The following GALNT16 variants were observed in gnomAD, a reference collection of about 807,000 sequenced individuals.
GALNT16 encodes the protein UDP-GalNAc:polypeptide N-acetylgalactosaminyltransferase-like protein 1.
GALNT16 carries 40 observed loss-of-function variants against 76.1 expected under a neutral mutation model. The observed-to-expected ratio is 0.53, with a 90% confidence interval of 0.41 to 0.68. The LOEUF (loss-of-function observed/expected upper bound fraction) is 0.68, where lower values mean the gene tolerates loss of function less well. Ranked by LOEUF, GALNT16 falls within the 30% of genes least tolerant of loss-of-function variation. The pLI is 0.00. For synonymous variants in GALNT16, 276 were observed against 285.2 expected (o/e 0.97, Z 0.32); for missense variants, 621 against 731.9 (o/e 0.85, Z 1.75).
chr14:69,361,275 C>A (rs567922632), downstream of GALNT16, among the ~76,000 whole-genome samples: 5 of 152,324 alleles, frequency 3.3e-5, no homozygotes, highest in African/African-American at 1.2e-4. Context: ...TGACCAAACA[C>A]TGAGACACAC....
chr14:69,327,567 T>C (rs2045301407), intron 5 of GALNT16, among the ~76,000 whole-genome samples: 1 of 152,170 alleles, frequency 6.6e-6, no homozygotes, highest in African/African-American at 2.4e-5. Context: ...GTAGACACTT[T>C]TGGAGTGGAG....
chr14:69,270,473 G>T (rs974349703), intron 1 of GALNT16, among the ~76,000 whole-genome samples: 2 of 152,214 alleles, frequency 1.3e-5, no homozygotes, highest in Non-Finnish European at 2.9e-5. Context: ...CCTGTGAGAT[G>T]CTTCTTGTCA....
Position 69,285,038 on chromosome 14 carries a change from C to CTTTTTTTTTTTTTTTTTTTTTTT in GALNT16, c.177+24572_177+24573insTTTTTTTTTTTTTTTTTTTTTTT, listed in dbSNP as rs1239622713. 3.8e-5 allele frequency among the ~76,000 whole-genome samples: 5 copies of CTTTTTTTTTTTTTTTTTTTTTTT among 130,460 alleles called. 2 individuals carry two copies. Among genetic ancestry groups the CTTTTTTTTTTTTTTTTTTTTTTT allele is most frequent in the African/African-American group, 5.6e-5 (2 of 35,658 alleles). 85.6% of individuals were successfully genotyped at this position (130,460 alleles called of 152,430 possible). On this transcript the variant is annotated intron_variant, in intron 1 of 14. Transcript: ENST00000448469. ...TTTATATGTTACCCAGTCTCGGGCA[C>CTTTTTTTTTTTTTTTTTTTTTTT]TCTTTTTTTTTTTTTTTTTTGAGAC... is the stretch of plus-strand genomic sequence containing the variant.
chr14:69,366,181 T>C, the GALNT16 span, among the ~76,000 whole-genome samples: 4 of 152,180 alleles, frequency 2.6e-5, no homozygotes, highest in African/African-American at 9.7e-5. Context: ...AATGAATGAA[T>C]GACATGAATG....
intron 1 of GALNT16, among the ~76,000 whole-genome samples, chr14:69,278,865 C>A (rs1018469798): frequency 9.9e-5 from 15 of 151,878 alleles, no homozygotes; most frequent in African/African-American, 3.6e-4. Flanking sequence ...AAGACAGGAT[C>A]TGACAGGGCT....
chr14:69,378,564 G>T, the GALNT16 span, among the ~76,000 whole-genome samples: 4 of 152,108 alleles, frequency 2.6e-5, no homozygotes, highest in African/African-American at 9.7e-5. Flanking sequence ...GTGTATTATG[G>T]GACATAGACA....
intron 1 of GALNT16, among the ~76,000 whole-genome samples, chr14:69,304,257 T>A (rs1401495531): frequency 6.6e-6 from 1 of 152,208 alleles, no homozygotes; most frequent in African/African-American, 2.4e-5. Context: ...TGAAACAGAC[T>A]GGTAAAGGCC....
At chr14:69,379,062 T>C in the GALNT16 span, among the ~76,000 whole-genome samples, 6 of 152,106 alleles carry the variant, frequency 3.9e-5, no homozygotes, top group Non-Finnish European at 5.9e-5. Flanking sequence ...CTCAGCCTCC[T>C]AAGTAGCTGG....
At chr14:69,267,586 T>A (rs1030356065) in intron 1 of GALNT16, among the ~76,000 whole-genome samples, 2 of 152,192 alleles carry the variant, frequency 1.3e-5, no homozygotes, top group African/African-American at 2.4e-5. Context: ...TGAATTGGGC[T>A]GTTGCAGGAT....
At chr14:69,321,806 T>C (rs1370601027) in intron 2 of GALNT16, among the ~76,000 whole-genome samples, 1 of 152,256 alleles carries the variant, frequency 6.6e-6, no homozygotes, top group African/African-American at 2.4e-5. Flanking sequence ...TTCTGTGCTC[T>C]GTGCAGACAT....
downstream of GALNT16, chr14:69,356,430 A>T (rs1350780014): frequency 1.3e-5 from 2 of 152,084 alleles, no homozygotes; most frequent in Non-Finnish European, 2.9e-5. Context: ...AACCCAGGGG[A>T]GTTCGAGACC....
In GALNT16 at chr14:69,338,634, GCTA is replaced by G. The variant is rs751652984; in HGVS notation, c.968-13_968-11del. 55 of 1,609,718 alleles carry G rather than the reference GCTA, an allele frequency of 3.4e-5. No homozygotes were observed. In the South Asian group the frequency reaches 4.7e-4, roughly 14 times the overall value. Reference sequence around the variant, plus strand: ...AAGGAACCCCTTCCTCCTCCTGACGGCTACTATTTCCTGCAGAGCTCTCCTTCA... The same window carrying G: ...AAGGAACCCCTTCCTCCTCCTGACGGCTATTTCCTGCAGAGCTCTCCTTCA... On this transcript the variant is annotated splice_polypyrimidine_tract_variant and intron_variant, in intron 9 of 14. Coordinates refer to ENST00000448469, the MANE Select transcript of GALNT16 (RefSeq NM_001168368.2).
intron 1 of GALNT16, among the ~76,000 whole-genome samples, chr14:69,287,695 A>G (rs1395453052): frequency 1.3e-5 from 2 of 152,336 alleles, no homozygotes; most frequent in East Asian, 3.9e-4. Flanking sequence ...GCAAACAGCC[A>G]TCTGCTGGCC....
At chr14:69,299,051 CTG>C (rs1370171568) in intron 1 of GALNT16, among the ~76,000 whole-genome samples, 1 of 152,226 alleles carries the variant, frequency 6.6e-6, no homozygotes, top group Non-Finnish European at 1.5e-5. Context: ...TAAGAAACAT[CTG>C]TGTGCAGTTG....
At chr14:69,360,617 A>T (rs900594539), downstream of GALNT16, among the ~76,000 whole-genome samples, 5 of 151,498 alleles carry the variant, frequency 3.3e-5, no homozygotes, top group Non-Finnish European at 7.4e-5. Context: ...AAAAAAAAGA[A>T]GAAGAAGAAG....
At chr14:69,379,719 C>T in the GALNT16 span, among the ~76,000 whole-genome samples, 11 of 152,104 alleles carry the variant, frequency 7.2e-5, no homozygotes, top group African/African-American at 2.7e-4. Context: ...TGTGGTTTTT[C>T]CCTTGCCCTT....
chr14:69,314,733 G>T (rs183062237), intron 1 of GALNT16, among the ~76,000 whole-genome samples: 2 of 152,316 alleles, frequency 1.3e-5, no homozygotes, highest in East Asian at 3.9e-4. Context: ...TTCAACTTGG[G>T]ACAGAGAATC....
chr14:69,306,283 A>G (rs1373789959), intron 1 of GALNT16, among the ~76,000 whole-genome samples: 1 of 152,224 alleles, frequency 6.6e-6, no homozygotes, highest in Non-Finnish European at 1.5e-5. Context: ...TACAGTTGGA[A>G]CTAGGGTTTT....
At chr14:69,342,653 A>G (rs1364281754) in intron 12 of GALNT16, among the ~76,000 whole-genome samples, 1 of 152,226 alleles carries the variant, frequency 6.6e-6, no homozygotes, top group Non-Finnish European at 1.5e-5. Flanking sequence ...AAGAAAACAC[A>G]GGGAAATGTT....
Sources: gnomAD v4.1 joint callset for allele counts (sites outside exome capture counted in the v4.1 genomes callset) on GRCh38, gnomAD v4.1.1 for gene constraint, MANE v1.5 for transcripts, NCBI Gene and HGNC (gene_info 2026-07-23, HGNC 2026-07-21) for gene names.